Variants in SLC7A8 observed in about 807,000 individuals in gnomAD.
SLC7A8 encodes the protein large neutral amino acids transporter small subunit 2.
In SLC7A8, 30 loss-of-function variants were observed where a neutral mutation model predicts 51.2. The observed-to-expected ratio is 0.59, with a 90% confidence interval of 0.44 to 0.80. The LOEUF (loss-of-function observed/expected upper bound fraction) is 0.80. SLC7A8 is among the 30% of genes least tolerant of loss of function. The pLI, the probability that SLC7A8 is intolerant of heterozygous loss-of-function variation, is 0.00. For synonymous variants in SLC7A8, 257 were observed against 275.8 expected (o/e 0.93, Z 0.67); for missense variants, 612 against 674.4 (o/e 0.91, Z 1.03).
intron 3 of SLC7A8, among the ~76,000 whole-genome samples, chr14:23,153,885 T>C (rs1266517443): frequency 6.6e-6 from 1 of 151,588 alleles, no homozygotes; most frequent in Non-Finnish European, 1.5e-5. Context: ...AAACAGGCAG[T>C]AGAAAGGGGG....
chr14:23,138,077 C>G lies in SLC7A8; in HGVS notation c.913-53G>C, dbSNP rs183794242. On this transcript the variant is annotated intron_variant, in intron 6 of 10. Coordinates refer to ENST00000316902, the MANE Select transcript of SLC7A8 (RefSeq NM_012244.4). ...AAGGAGAGGTCACCACTCCCCGACC[C>G]CTCAGCTCCCACTTCACTCTGGGAA... The G allele has an allele frequency of 3.3e-5, 52 of 1,597,818 alleles. No individual in the cohort carries two copies. The East Asian group carries it at 1.2e-3, about 36-fold the overall frequency.
At chr14:23,178,413 C>A (rs546057598) in intron 1 of SLC7A8, among the ~76,000 whole-genome samples, 14 of 152,244 alleles carry the variant, frequency 9.2e-5, no homozygotes, top group Middle Eastern at 6.8e-3. Context: ...AATGGGCCAA[C>A]CTAATTGTCC....
chr14:23,157,238 C>G (rs1272818285), intron 3 of SLC7A8, among the ~76,000 whole-genome samples: 2 of 152,206 alleles, frequency 1.3e-5, no homozygotes, highest in African/African-American at 4.8e-5. Flanking sequence ...CTCCTTCAAC[C>G]TTAATCACCA....
At position 23,165,202 on chromosome 14, in the gene SLC7A8, A is replaced by C. The variant is rs944373052; in HGVS notation, c.508+83T>G. 1 of 1,356,862 alleles carries C rather than the reference A, an allele frequency of 7.4e-7. No individual in the cohort carries two copies. Among genetic ancestry groups the C allele is most frequent in the Admixed American group, 2.9e-5 (1 of 34,214 alleles). The allele number at this position is 1,356,862 out of a possible 1,614,324, so 84.1% of individuals were successfully genotyped here. A position where few individuals can be genotyped will look rare whatever the true frequency, so the allele number is the denominator to read the frequency against. On this transcript the variant is annotated intron_variant, in intron 3 of 10. Coordinates refer to ENST00000316902, the MANE Select transcript of SLC7A8 (RefSeq NM_012244.4). This position sits in a 1 kb window ranked among gnomAD's most constrained non-coding sequence, Gnocchi z 4.2. ...GGCTGCGCTCCAGCCTGAGTGACAG[A>C]GTGAAGACTCTGTTTCTAAAAATAA...
rs1180006772 is a variant in SLC7A8, at chr14:23,129,940, C to G, written c.1114-141G>C. 4.9e-6 allele frequency: 4 copies of G among 809,024 alleles called. No homozygotes were observed. In the East Asian group the frequency reaches 1.0e-4, roughly 21 times the overall value. The allele number at this position is 809,024 out of a possible 1,614,324, so 50.1% of individuals were successfully genotyped here. Reference sequence around the variant, plus strand: ...TCGAAATGGAGACTTTAGAACCTCCCCTAGTAACCCAATATGTTACAACAT... The same window carrying G: ...TCGAAATGGAGACTTTAGAACCTCCGCTAGTAACCCAATATGTTACAACAT... On this transcript the variant is annotated intron_variant, in intron 8 of 10. Coordinates refer to ENST00000316902, the MANE Select transcript of SLC7A8 (RefSeq NM_012244.4).
Position 23,143,063 on chromosome 14 carries a change from T to C in SLC7A8, c.634+16A>G. Reference sequence around the variant, plus strand: ...GAGGAAAGCTGGGCAGTACCTGTTTTTCCTGCGATACTCACCTTTGCATAT... The same window carrying C: ...GAGGAAAGCTGGGCAGTACCTGTTTCTCCTGCGATACTCACCTTTGCATAT... On this transcript the variant is annotated intron_variant, in intron 4 of 10. Transcript: ENST00000316902. The C allele has an allele frequency of 6.2e-7, 1 of 1,613,408 alleles. No individual in the cohort carries two copies. Among genetic ancestry groups the C allele is most frequent in the Non-Finnish European group, 8.5e-7 (1 of 1,179,386 alleles).
At chr14:23,177,608 C>T (rs374691608) in intron 1 of SLC7A8, among the ~76,000 whole-genome samples, 5 of 152,290 alleles carry the variant, frequency 3.3e-5, no homozygotes, top group East Asian at 1.9e-4. Flanking sequence ...TACCTAGATA[C>T]GTGACTGGTA....
chr14:23,142,283 G>A (rs568648801), intron 4 of SLC7A8, among the ~76,000 whole-genome samples: 33 of 152,268 alleles, frequency 2.2e-4, no homozygotes, highest in African/African-American at 7.9e-4. Flanking sequence ...ACCAAATATA[G>A]CCTCAGGCTT....
In SLC7A8 at chr14:23,139,485, T is replaced by C. The variant is rs759951698; in HGVS notation, c.851A>G (p.Asn284Ser). The stretch of plus-strand genomic sequence containing the variant: ...GGACATTGCAGTGACATAAGCGACA[T>C]TGGCAAAGACATACACAAATGTGAC... Reference protein sequence around the residue: ...PLVTFVYVFANVAYVTAMSPQ... With the variant: ...PLVTFVYVFASVAYVTAMSPQ... Residue 284 changes from asparagine to serine, a missense_variant, in exon 6 of 11, where the codon AAT becomes AGT. Physicochemically the swap from Asn to Ser is conservative, Grantham distance 46. Transcript: ENST00000316902. 9 of 1,613,976 alleles carry C rather than the reference T, an allele frequency of 5.6e-6. No individual in the cohort carries two copies. The highest frequency in any genetic ancestry group is 2.2e-5 in the East Asian group (1 of 44,884).
chr14:23,134,166 G>C (rs1262788660), intron 7 of SLC7A8, among the ~76,000 whole-genome samples: 1 of 151,888 alleles, frequency 6.6e-6, no homozygotes, highest in African/African-American at 2.4e-5. Flanking sequence ...GATTGTCTCT[G>C]GGTGGTGAAA....
At chr14:23,169,748 T>A (rs12884294) in intron 1 of SLC7A8, among the ~76,000 whole-genome samples, 33,313 of 152,106 alleles carry the variant, frequency 0.22, 4,055 homozygotes, top group East Asian at 0.45. Context: ...GGACAATTAT[T>A]ATTCCTATTT....
chr14:23,152,132 A>G (rs1246137688), intron 3 of SLC7A8, among the ~76,000 whole-genome samples: 1 of 152,044 alleles, frequency 6.6e-6, no homozygotes, highest in African/African-American at 2.4e-5. Context: ...CTACTTGATA[A>G]CTGTTTTCTT....
intron 4 of SLC7A8, among the ~76,000 whole-genome samples, chr14:23,141,367 T>C (rs1168286556): frequency 6.6e-6 from 1 of 152,244 alleles, no homozygotes; most frequent in African/African-American, 2.4e-5. Flanking sequence ...GTTTCCATAA[T>C]GCTATATTAG....
At chr14:23,169,112 G>T (rs941184697) in intron 1 of SLC7A8, among the ~76,000 whole-genome samples, 19 of 152,210 alleles carry the variant, frequency 1.2e-4, no homozygotes, top group Admixed American at 1.2e-3. Flanking sequence ...ACTTTGGGAG[G>T]CTGAGGCAGA....
intron 1 of SLC7A8, among the ~76,000 whole-genome samples, chr14:23,174,111 C>G (rs187667533): frequency 2.6e-5 from 4 of 152,158 alleles, no homozygotes; most frequent in Admixed American, 2.6e-4. Flanking sequence ...TATGGCATGC[C>G]GATGCAAATC....
Position 23,166,455 on chromosome 14 carries a change from C to A in SLC7A8, c.237G>T (p.Trp79Cys), listed in dbSNP as rs747418978. The change falls in exon 2 of 11, where the codon TGG becomes TGT. Residue 79 changes from tryptophan (W) to cysteine (C), a missense_variant. Transcript: ENST00000316902. ...CAACTGTGATGAAGCCCGTCACAATCCAGACGATGAGAGCAAGGCCCACAG... is the reference window on the plus strand; with the variant it reads ...CAACTGTGATGAAGCCCGTCACAATACAGACGATGAGAGCAAGGCCCACAG... Reference protein sequence around the residue: ...AGSVGLALIVWIVTGFITVVG... With the variant: ...AGSVGLALIVCIVTGFITVVG... 6.2e-7 allele frequency: 1 copy of A among 1,614,076 alleles called. No individual in the cohort carries two copies. The highest frequency in any genetic ancestry group is 1.3e-5 in the African/African-American group (1 of 74,910).
intron 1 of SLC7A8, among the ~76,000 whole-genome samples, chr14:23,181,831 G>A (rs983027049): frequency 6.6e-6 from 1 of 152,212 alleles, no homozygotes; most frequent in African/African-American, 2.4e-5. Context: ...GCTATTGCCT[G>A]CCATCCATCT....
intron 3 of SLC7A8, among the ~76,000 whole-genome samples, chr14:23,148,612 CAAG>C (rs1566364996): frequency 6.6e-6 from 1 of 152,056 alleles, no homozygotes. Flanking sequence ...AAGAGGGAGG[CAAG>C]AAGGTCAGAG....
chr14:23,164,991 C>CAA (rs34297545), intron 3 of SLC7A8, among the ~76,000 whole-genome samples: 78 of 134,078 alleles, frequency 5.8e-4, no homozygotes, highest in East Asian at 8.5e-4. Flanking sequence ...GACCCTGCCT[C>CAA]AAAAAAAAAA....
Sources: gnomAD v4.1 joint callset for allele counts (sites outside exome capture counted in the v4.1 genomes callset) on GRCh38, gnomAD v4.1.1 for gene constraint, Gnocchi (gnomAD v3.1) non-coding constraint, MANE v1.5 for transcripts, NCBI Gene and HGNC (gene_info 2026-07-23, HGNC 2026-07-21) for gene names.